The following IMMP2L variants were observed in gnomAD, a reference collection of about 807,000 sequenced individuals.
IMMP2L encodes the protein mitochondrial inner membrane protease subunit 2.
In IMMP2L, 18 loss-of-function variants were observed where a neutral mutation model predicts 19.3. The observed-to-expected ratio is 0.93, with a 90% CI of 0.64 to 1.38. The LOEUF (loss-of-function observed/expected upper bound fraction) is 1.38. Among genes scored for constraint, IMMP2L ranks in the 40% most tolerant of loss-of-function variants. The pLI is 0.00. For synonymous variants in IMMP2L, 76 were observed against 73.0 expected (o/e 1.04, Z -0.21); for missense variants, 233 against 218.2 (o/e 1.07, Z -0.43).
intron 3 of IMMP2L, among the ~76,000 whole-genome samples, chr7:111,293,199 CA>C (rs1299479118): frequency 1.3e-5 from 2 of 151,998 alleles, no homozygotes; most frequent in East Asian, 3.9e-4. Flanking sequence ...AGCATTAGAC[CA>C]AAAGACTGAT....
rs1378426370 is a variant in IMMP2L, at chr7:110,758,733, C to A, written c.409-95012G>T. ...TTGTCACTGATGAGCTCCAAGACCC[C>A]AGACAAAAACATCCAACCTTTGTGA... On this transcript the variant is annotated intron_variant, in intron 5 of 5. Coordinates refer to ENST00000405709, the MANE Select transcript of IMMP2L (RefSeq NM_032549.4). The surrounding 1 kb of genome is among the most constrained non-coding windows in gnomAD (Gnocchi z 4.6). Among the ~76,000 whole-genome samples, 2 of 152,098 alleles carry A rather than the reference C, an allele frequency of 1.3e-5. No homozygotes were observed. The highest frequency in any genetic ancestry group is 1.3e-4 in the Admixed American group (2 of 15,248).
intron 5 of IMMP2L, among the ~76,000 whole-genome samples, chr7:110,850,462 G>A (rs994342891): frequency 6.6e-6 from 1 of 152,036 alleles, no homozygotes; most frequent in Non-Finnish European, 1.5e-5. Flanking sequence ...ATAACTGAAA[G>A]TGGGTTTACA....
At chr7:110,768,603 G>T (rs1483279006) in intron 5 of IMMP2L, among the ~76,000 whole-genome samples, 1 of 152,140 alleles carries the variant, frequency 6.6e-6, no homozygotes, top group African/African-American at 2.4e-5. Context: ...TTGTATACAT[G>T]TTATTCCTTC....
rs150466523 is a variant in IMMP2L, at chr7:111,313,439, T to C, written c.239+173799A>G. On this transcript the variant is annotated intron_variant, in intron 3 of 5. Transcript: ENST00000405709. ...CACTAACTGTCACAAAACCAAACAA[T>C]AATGGAAAAACAGAATGTGATGCAT... is the stretch of plus-strand genomic sequence containing the variant. Among the ~76,000 whole-genome samples the C allele has an allele frequency of 3.0e-3, 456 of 152,114 alleles. 2 individuals are homozygous for C. The highest frequency in any genetic ancestry group is 0.01 in the African/African-American group (432 of 41,522).
intron 5 of IMMP2L, among the ~76,000 whole-genome samples, chr7:110,881,446 C>T (rs992595121): frequency 6.6e-6 from 1 of 152,022 alleles, no homozygotes; most frequent in African/African-American, 2.4e-5. Flanking sequence ...ACTATTGTTA[C>T]CAATATTTTT....
At chr7:110,704,559 G>C (rs1794516055) in intron 5 of IMMP2L, among the ~76,000 whole-genome samples, 1 of 152,192 alleles carries the variant, frequency 6.6e-6, no homozygotes, top group Admixed American at 6.5e-5. Context: ...TGCCCTACCA[G>C]AAGTCAGGTG....
intron 3 of IMMP2L, among the ~76,000 whole-genome samples, chr7:111,451,152 C>A (rs145217945): frequency 7.1e-6 from 1 of 140,876 alleles, no homozygotes; most frequent in Non-Finnish European, 1.5e-5. Context: ...GTCAGTGTGG[C>A]GATTTCTCAG....
chr7:111,188,512 C>A (rs1196730353), intron 3 of IMMP2L, among the ~76,000 whole-genome samples: 1 of 152,024 alleles, frequency 6.6e-6, no homozygotes, highest in Admixed American at 6.5e-5. Flanking sequence ...CTAGTTACCT[C>A]CCAAAGGCTC....
intron 3 of IMMP2L, among the ~76,000 whole-genome samples, chr7:111,180,089 T>G (rs1004565337): frequency 2.0e-5 from 3 of 152,076 alleles, no homozygotes; most frequent in African/African-American, 4.8e-5. Context: ...AAGACTGCTT[T>G]AGTTTGTTAG....
chr7:111,162,197 A>G, intron 3 of IMMP2L, among the ~76,000 whole-genome samples: 1 of 152,120 alleles, frequency 6.6e-6, no homozygotes, highest in Non-Finnish European at 1.5e-5. Context: ...GTTAAAAATT[A>G]TGTCTTTTAC....
chr7:110,835,802 ATTGT>A (rs1351687693), intron 5 of IMMP2L, among the ~76,000 whole-genome samples: 1 of 152,048 alleles, frequency 6.6e-6, no homozygotes, highest in African/African-American at 2.4e-5. Flanking sequence ...TGTTATTCTC[ATTGT>A]TTGTTTTCTC....
At chr7:111,015,822 T>A (rs1415120695) in intron 3 of IMMP2L, among the ~76,000 whole-genome samples, 1 of 152,260 alleles carries the variant, frequency 6.6e-6, no homozygotes, top group Non-Finnish European at 1.5e-5. Context: ...AAAAAAAACT[T>A]TTCGATGCTA....
chr7:111,326,121 A>C (rs1339254214), intron 3 of IMMP2L, among the ~76,000 whole-genome samples: 2 of 151,758 alleles, frequency 1.3e-5, no homozygotes, highest in East Asian at 3.9e-4. Flanking sequence ...TTTACTTGCT[A>C]TTACTTTCAG....
In IMMP2L at chr7:111,168,575, T is replaced by C. The variant is rs184765444; in HGVS notation, c.240-205010A>G. The stretch of plus-strand genomic sequence containing the variant: ...CCTATGCTAAATTGATTTTGCTTTT[T>C]TACCCCTGCCTTTGAAGCACCTTCC... On this transcript the variant is annotated intron_variant, in intron 3 of 5. Coordinates refer to ENST00000405709, the MANE Select transcript of IMMP2L (RefSeq NM_032549.4). Among the ~76,000 whole-genome samples the C allele has an allele frequency of 3.3e-5, 5 of 152,092 alleles. No individual in the cohort carries two copies. The East Asian group carries it at 9.7e-4, about 30-fold the overall frequency.
At chr7:110,770,282 G>A (rs182610515) in intron 5 of IMMP2L, among the ~76,000 whole-genome samples, 1 of 152,226 alleles carries the variant, frequency 6.6e-6, no homozygotes, top group Non-Finnish European at 1.5e-5. Flanking sequence ...CATTTATGCA[G>A]GGTCATTCCT....
rs1196895925 is a variant in IMMP2L, at chr7:111,213,953, T to C, written c.240-250388A>G. Among the ~76,000 whole-genome samples the C allele has an allele frequency of 6.6e-6, 1 of 152,200 alleles. No homozygotes were observed. The highest frequency in any genetic ancestry group is 1.5e-5 in the Non-Finnish European group (1 of 68,032). ...TTAAAAAAATAAGACCCAAGTCACA[T>C]GAATAGTGAAGAGCTATAAGTATTC... On this transcript the variant is annotated intron_variant, in intron 3 of 5. Coordinates refer to ENST00000405709, the MANE Select transcript of IMMP2L (RefSeq NM_032549.4). This position sits in a 1 kb window ranked among gnomAD's most constrained non-coding sequence, Gnocchi z 4.8.
intron 3 of IMMP2L, among the ~76,000 whole-genome samples, chr7:111,038,887 C>A (rs913466365): frequency 6.6e-6 from 1 of 152,078 alleles, no homozygotes; most frequent in Non-Finnish European, 1.5e-5. Context: ...AGTAATCAAA[C>A]TTGGGGACGA....
chr7:110,855,515 T>C (rs1055888685), intron 5 of IMMP2L, among the ~76,000 whole-genome samples: 1 of 152,018 alleles, frequency 6.6e-6, no homozygotes, highest in Non-Finnish European at 1.5e-5. Context: ...ATGTATTCAA[T>C]GATCTTCCAA....
At chr7:110,844,779 T>C in intron 5 of IMMP2L, among the ~76,000 whole-genome samples, 1 of 151,782 alleles carries the variant, frequency 6.6e-6, no homozygotes, top group Middle Eastern at 3.2e-3. Context: ...ATGGACAGTT[T>C]CTCTCCCAAC....
Sources: gnomAD v4.1 joint callset for allele counts (sites outside exome capture counted in the v4.1 genomes callset) on GRCh38, gnomAD v4.1.1 for gene constraint, Gnocchi (gnomAD v3.1) non-coding constraint, MANE v1.5 for transcripts, NCBI Gene and HGNC (gene_info 2026-07-23, HGNC 2026-07-21) for gene names.